The following C1orf198 variants were observed in gnomAD, a reference collection of about 807,000 sequenced individuals.
C1orf198 encodes uncharacterized protein C1orf198.
Under a neutral mutation model 31.4 loss-of-function variants are expected in C1orf198, and 17 were observed. That is an observed-to-expected ratio of 0.54 (90% CI 0.37 to 0.81). The LOEUF (loss-of-function observed/expected upper bound fraction) is 0.81, where lower values mean the gene tolerates loss of function less well. C1orf198 is among the 40% of genes least tolerant of loss of function. C1orf198 has a pLI of 0.00. For missense variants in C1orf198, 401 were observed against 450.3 expected (o/e 0.89, Z 0.99); for synonymous variants, 175 against 193.8 (o/e 0.90, Z 0.81).
chr1:230,866,843 C>T (rs776588977), intron 1 of C1orf198, among the ~76,000 whole-genome samples: 14 of 152,134 alleles, frequency 9.2e-5, no homozygotes, highest in Admixed American at 2.6e-4. Flanking sequence ...TATATTTTCC[C>T]CTCCCCAGTT....
chr1:230,867,903 G>A (rs1235253610), intron 1 of C1orf198, among the ~76,000 whole-genome samples: 2 of 152,208 alleles, frequency 1.3e-5, no homozygotes, highest in East Asian at 1.9e-4. Flanking sequence ...GACAGCTCCG[G>A]GAGAAGTCTC....
At chr1:230,854,200 C>T (rs1384263668) in intron 2 of C1orf198, among the ~76,000 whole-genome samples, 1 of 152,162 alleles carries the variant, frequency 6.6e-6, no homozygotes, top group African/African-American at 2.4e-5. Context: ...GGAAAATCTG[C>T]ACTGCTTTCT....
At chr1:230,850,719 G>A (rs1669718230) in intron 2 of C1orf198, among the ~76,000 whole-genome samples, 1 of 152,054 alleles carries the variant, frequency 6.6e-6, no homozygotes, top group South Asian at 2.1e-4. Flanking sequence ...GGCAGAGATG[G>A]GGGTCTCGGT....
In C1orf198 at chr1:230,843,472, G is replaced by A. The variant is rs1210208619; in HGVS notation, c.809C>T (p.Ala270Val). ...AGCCTCGTGCAGTGCACTGCTGAAGGCCTGGACAGGCTGGGGTCTCTCACG... is the reference window on the plus strand; with the variant it reads ...AGCCTCGTGCAGTGCACTGCTGAAGACCTGGACAGGCTGGGGTCTCTCACG... ...TERERPQPVQAFSSALHEAAP... is the reference protein window; with the variant it reads ...TERERPQPVQVFSSALHEAAP... Residue 270 changes from alanine (A) to valine (V), a missense_variant, in exon 3 of 4, where the codon GCC (alanine) becomes GTC (valine). By Grantham distance (64) the Ala-to-Val change is moderately conservative. Transcript: ENST00000366663. The surrounding 1 kb of genome is among the most constrained non-coding windows in gnomAD (Gnocchi z 4.9). 2 of 1,610,978 alleles carry A rather than the reference G, an allele frequency of 1.2e-6. No homozygotes were observed. Among genetic ancestry groups the A allele is most frequent in the Non-Finnish European group, 1.7e-6 (2 of 1,178,704 alleles).
chr1:230,867,184 A>G (rs1277087303), intron 1 of C1orf198, among the ~76,000 whole-genome samples: 1 of 152,208 alleles, frequency 6.6e-6, no homozygotes, highest in Non-Finnish European at 1.5e-5. Flanking sequence ...CTCTTTGCTC[A>G]GCTTGACTTT....
chr1:230,847,879 T>C (rs1669637530), intron 2 of C1orf198, among the ~76,000 whole-genome samples: 1 of 152,198 alleles, frequency 6.6e-6, no homozygotes. Flanking sequence ...CCAGGCTTTT[T>C]TAGGATCAGC....
intron 1 of C1orf198, among the ~76,000 whole-genome samples, chr1:230,864,314 C>T (rs1297851645): frequency 6.6e-6 from 1 of 152,172 alleles, no homozygotes; most frequent in South Asian, 2.1e-4. Flanking sequence ...TGACACAGAG[C>T]GGGTGTAGCA....
At chr1:230,846,818 A>G (rs76408800) in intron 2 of C1orf198, among the ~76,000 whole-genome samples, 11,454 of 151,160 alleles carry the variant, frequency 0.076, 1,416 homozygotes, top group African/African-American at 0.26. Context: ...AAAATCAGCC[A>G]GGCGGCCGGG....
intron 1 of C1orf198, among the ~76,000 whole-genome samples, chr1:230,864,969 C>T (rs916826846): frequency 1.3e-5 from 2 of 152,138 alleles, no homozygotes; most frequent in Admixed American, 1.3e-4. Flanking sequence ...AAGCCATTCC[C>T]GAAACCCTAC....
intron 2 of C1orf198, among the ~76,000 whole-genome samples, chr1:230,844,261 C>T (rs912315736): frequency 6.6e-6 from 1 of 152,024 alleles, no homozygotes; most frequent in African/African-American, 2.4e-5. Flanking sequence ...TTGGTGCTGT[C>T]TTCATGATAG....
In C1orf198 at chr1:230,857,648, G is replaced by A. The variant is rs1283042689; in HGVS notation, c.334-1930C>T. On this transcript the variant is annotated intron_variant, in intron 1 of 3. Transcript: ENST00000366663. The surrounding 1 kb of genome is among the most constrained non-coding windows in gnomAD (Gnocchi z 4.2). ...GGATAAAGAGCAAGGAAAACCCAGAGAGGAGACTGTCAAAAGGCCAGAATC... is the reference window on the plus strand; with the variant it reads ...GGATAAAGAGCAAGGAAAACCCAGAAAGGAGACTGTCAAAAGGCCAGAATC... 6.6e-6 allele frequency among the ~76,000 whole-genome samples: 1 copy of A among 152,172 alleles called. No individual in the cohort carries two copies. Among genetic ancestry groups the A allele is most frequent in the African/African-American group, 2.4e-5 (1 of 41,426 alleles).
chr1:230,855,839 A>T, intron 1 of C1orf198, 121 bp from the exon 2 acceptor site: 1 of 1,498,468 alleles, frequency 6.7e-7, no homozygotes, highest in Non-Finnish European at 8.9e-7. Flanking sequence ...GGCTCTAAAC[A>T]AGCCTGATGC....
chr1:230,861,163 G>A (rs183940881), intron 1 of C1orf198, among the ~76,000 whole-genome samples: 20 of 152,258 alleles, frequency 1.3e-4, no homozygotes, highest in African/African-American at 4.3e-4. Flanking sequence ...CTCCAAGAGC[G>A]ACCCCTAGTG....
At chr1:230,856,355 C>T (rs1218922537) in intron 1 of C1orf198, among the ~76,000 whole-genome samples, 2 of 152,030 alleles carry the variant, frequency 1.3e-5, no homozygotes, top group African/African-American at 2.4e-5. Flanking sequence ...CACTCCCCAC[C>T]CCCACCAAAC....
intron 1 of C1orf198, among the ~76,000 whole-genome samples, chr1:230,865,350 C>T (rs1670095086): frequency 6.6e-6 from 1 of 152,108 alleles, no homozygotes; most frequent in African/African-American, 2.4e-5. Flanking sequence ...GGGAAGGGGC[C>T]GGGGCCTAGG....
chr1:230,846,736 G>A (rs1018438988), intron 2 of C1orf198, among the ~76,000 whole-genome samples: 1 of 152,240 alleles, frequency 6.6e-6, no homozygotes, highest in African/African-American at 2.4e-5. Flanking sequence ...GCTGAAGCGG[G>A]CAGATCACGA....
chr1:230,855,515 C>T (rs1323064122), intron 2 of C1orf198, among the ~76,000 whole-genome samples, 153 bp downstream of exon 2: 1 of 152,216 alleles, frequency 6.6e-6, no homozygotes, highest in East Asian at 1.9e-4. Context: ...CATGCTCCTC[C>T]CATCCCCTCC....
chr1:230,868,267 G>A lies in C1orf198; in HGVS notation c.246C>T (p.Pro82=). 6.3e-7 allele frequency: 1 copy of A among 1,580,802 alleles called. No homozygotes were observed. Among genetic ancestry groups the A allele is most frequent in the Non-Finnish European group, 8.6e-7 (1 of 1,165,766 alleles). The change falls in exon 1 of 4, where the codon CCC becomes CCT. Residue 82 remains proline (P), a synonymous_variant. Transcript: ENST00000366663. The part of the protein sequence containing the change: ...RCLVGPRAPA[P]RDPGDSEELT... The stretch of plus-strand genomic sequence containing the variant: ...GCTCCTCCGAGTCCCCGGGGTCTCG[G>A]GGCGCCGGGGCGCGCGGCCCCACCA...
At position 230,837,992 on chromosome 1, in the gene C1orf198, T is replaced by C. The variant is rs950603431; in HGVS notation, c.*1860A>G. 1 of 152,214 alleles carries C rather than the reference T, an allele frequency of 6.6e-6. No homozygotes were observed. Among genetic ancestry groups the C allele is most frequent in the African/African-American group, 2.4e-5 (1 of 41,446 alleles). 9.4% of individuals were successfully genotyped at this position (152,214 alleles called of 1,614,324 possible). A position where few individuals can be genotyped will look rare whatever the true frequency, so the allele number is the denominator to read the frequency against. On this transcript the variant is annotated 3_prime_UTR_variant, in exon 4 of 4. Transcript: ENST00000366663. ...TACTCTCTAGGACACAGGTCTTTCT[T>C]CTGTGCTACACCAACACTACAGAAT...
Sources: allele counts gnomAD v4.1 joint callset (sites outside exome capture counted in the v4.1 genomes callset), GRCh38; gene constraint gnomAD v4.1.1; non-coding constraint Gnocchi (gnomAD v3.1); transcripts MANE v1.5; gene names NCBI Gene and HGNC (gene_info 2026-07-23, HGNC 2026-07-21).